Variants in VWC2L observed in about 807,000 individuals in gnomAD.
The protein encoded by VWC2L is von Willebrand factor C domain containing 2 like, also known as von Willebrand factor C domain-containing protein 2-like.
Under a neutral mutation model 21.6 loss-of-function variants are expected in VWC2L, and 10 were observed. That is an observed-to-expected ratio of 0.46 (90% CI 0.29 to 0.78). VWC2L has a LOEUF of 0.78. Ranked by LOEUF, VWC2L falls within the 30% of genes least tolerant of loss-of-function variation. The pLI is 0.10. For synonymous variants in VWC2L, 96 were observed against 94.3 expected, an observed-to-expected ratio of 1.02 and a Z score of -0.10; for missense variants, 209 against 277.1, an observed-to-expected ratio of 0.75 and a Z score of 1.74.
At chr2:214,566,207 C>A (rs561631296) in intron 3 of VWC2L, among the ~76,000 whole-genome samples, 1 of 152,294 alleles carries the variant, frequency 6.6e-6, no homozygotes, top group African/African-American at 2.4e-5. Flanking sequence ...AAACCATTTT[C>A]TGACCACAAA....
chr2:214,428,784 T>G (rs1702560080), intron 2 of VWC2L, among the ~76,000 whole-genome samples: 1 of 149,734 alleles, frequency 6.7e-6, no homozygotes, highest in Non-Finnish European at 1.5e-5. Flanking sequence ...AAATTTCAAT[T>G]TTTAGAAAAT....
intron 3 of VWC2L, among the ~76,000 whole-genome samples, chr2:214,573,280 C>T (rs1474973435): frequency 2.6e-5 from 4 of 152,156 alleles, no homozygotes; most frequent in South Asian, 2.1e-4. Flanking sequence ...CACGCTCACA[C>T]GGTTAAGATT....
chr2:214,428,155 A>G (rs1702552633), intron 2 of VWC2L, among the ~76,000 whole-genome samples: 1 of 152,182 alleles, frequency 6.6e-6, no homozygotes, highest in South Asian at 2.1e-4. Context: ...TATGATGGCA[A>G]TCATAGTCAT....
intron 3 of VWC2L, among the ~76,000 whole-genome samples, chr2:214,571,792 C>A (rs1690153018): frequency 6.6e-6 from 1 of 151,014 alleles, no homozygotes; most frequent in African/African-American, 2.4e-5. Flanking sequence ...CATATTCATT[C>A]TCTCTCTCTC....
chr2:214,521,189 C>T (rs1463338033), intron 3 of VWC2L, among the ~76,000 whole-genome samples: 1 of 151,366 alleles, frequency 6.6e-6, no homozygotes, highest in African/African-American at 2.4e-5. Context: ...CGCGCCACTG[C>T]ACTCCAGCCT....
intron 2 of VWC2L, among the ~76,000 whole-genome samples, chr2:214,416,995 C>T (rs1702366782): frequency 6.6e-6 from 1 of 152,076 alleles, no homozygotes; most frequent in South Asian, 2.1e-4. Flanking sequence ...AAAAGACTTT[C>T]AAATGAAGAA....
chr2:214,488,157 G>A (rs1481978778), intron 3 of VWC2L, among the ~76,000 whole-genome samples: 1 of 152,096 alleles, frequency 6.6e-6, no homozygotes, highest in Non-Finnish European at 1.5e-5. Context: ...GCTTACCCCA[G>A]CTTCTACCGC....
chr2:214,522,282 G>T (rs967466548), intron 3 of VWC2L, among the ~76,000 whole-genome samples: 1 of 150,924 alleles, frequency 6.6e-6, no homozygotes, highest in African/African-American at 2.4e-5. Context: ...GGGTGACGCA[G>T]GAGAATGGCG....
chr2:214,423,505 A>G (rs1218223088), intron 2 of VWC2L, among the ~76,000 whole-genome samples: 2 of 152,134 alleles, frequency 1.3e-5, no homozygotes, highest in African/African-American at 4.8e-5. Context: ...GCTCATTTGC[A>G]TCTTCTTTTC....
chr2:214,421,254 G>A (rs1340320788), intron 2 of VWC2L, among the ~76,000 whole-genome samples: 1 of 152,144 alleles, frequency 6.6e-6, no homozygotes. Context: ...ATAATTGAGT[G>A]TTATCCTTTT....
intron 3 of VWC2L, among the ~76,000 whole-genome samples, chr2:214,509,882 G>A (rs1454053504): frequency 2.0e-5 from 3 of 152,094 alleles, no homozygotes; most frequent in African/African-American, 7.2e-5. Context: ...ATCAATTTAA[G>A]GATGGCCTTT....
intron 3 of VWC2L, among the ~76,000 whole-genome samples, chr2:214,502,346 C>T (rs1182159374): frequency 3.3e-5 from 5 of 152,020 alleles, no homozygotes; most frequent in African/African-American, 7.2e-5. Context: ...CTGAGGCAGG[C>T]GGATCATGAG....
chr2:214,476,249 A>G (rs759360643), intron 3 of VWC2L, among the ~76,000 whole-genome samples: 41 of 152,236 alleles, frequency 2.7e-4, no homozygotes, highest in Non-Finnish European at 4.9e-4. Flanking sequence ...CACATATTGC[A>G]TTATTGAAAT....
At chr2:214,423,579 A>T (rs933013182) in intron 2 of VWC2L, among the ~76,000 whole-genome samples, 2 of 152,146 alleles carry the variant, frequency 1.3e-5, no homozygotes, top group African/African-American at 4.8e-5. Flanking sequence ...TGATATCAGG[A>T]CCTATCACCA....
chr2:214,502,005 A>G (rs1169328590), intron 3 of VWC2L, among the ~76,000 whole-genome samples: 1 of 152,234 alleles, frequency 6.6e-6, no homozygotes, highest in African/African-American at 2.4e-5. Context: ...ACTCCCCAGC[A>G]AAGTCATCCC....
chr2:214,519,703 T>A (rs1022195153), intron 3 of VWC2L, among the ~76,000 whole-genome samples: 2 of 152,160 alleles, frequency 1.3e-5, no homozygotes, highest in African/African-American at 4.8e-5. Flanking sequence ...CCATATTGTT[T>A]CTTTCCACTG....
At chr2:214,455,115 CTT>C (rs1197696807) in intron 3 of VWC2L, among the ~76,000 whole-genome samples, 9 of 152,074 alleles carry the variant, frequency 5.9e-5, no homozygotes, top group African/African-American at 2.4e-5. Context: ...CATAGTCTCT[CTT>C]ATTCAATTTT....
chr2:214,575,170 C>T (rs1226368838), intron 3 of VWC2L, among the ~76,000 whole-genome samples: 2 of 151,422 alleles, frequency 1.3e-5, no homozygotes, highest in African/African-American at 4.9e-5. Flanking sequence ...TATCAAGAAA[C>T]AAGCTGGGGA....
chr2:214,561,809 TACACAC>T (rs1267186355), intron 3 of VWC2L, among the ~76,000 whole-genome samples: 18 of 127,080 alleles, frequency 1.4e-4, no homozygotes, highest in Non-Finnish European at 1.9e-4. Context: ...TATATATATA[TACACAC>T]ACATATATAA....
Sources: allele counts gnomAD v4.1 joint callset (sites outside exome capture counted in the v4.1 genomes callset), GRCh38; gene constraint gnomAD v4.1.1; transcripts MANE v1.5; gene names NCBI Gene and HGNC (gene_info 2026-07-23, HGNC 2026-07-21).